Variants in MSR1 observed in about 807,000 individuals in gnomAD.
MSR1 encodes the protein macrophage scavenger receptor types I and II.
Under a neutral mutation model 47.2 loss-of-function variants are expected in MSR1, and 53 were observed. That is an observed-to-expected ratio of 1.12 (90% CI 0.90 to 1.41). The LOEUF (loss-of-function observed/expected upper bound fraction) is 1.41. Among genes scored for constraint, MSR1 ranks in the 40% most tolerant of loss-of-function variants. MSR1 has a pLI of 0.00. For missense variants in MSR1, 786 were observed against 546.9 expected, an observed-to-expected ratio of 1.44 and a Z score of -4.36; for synonymous variants, 239 against 185.6, an observed-to-expected ratio of 1.29 and a Z score of -2.34.
At chr8:16,150,466 G>A (rs1298293044) in intron 6 of MSR1, among the ~76,000 whole-genome samples, 155 bp from the exon 7 acceptor site, 1 of 151,854 alleles carries the variant, frequency 6.6e-6, no homozygotes, top group Non-Finnish European at 1.5e-5. Flanking sequence ...GTTTGACATT[G>A]AAAAACAATA....
At chr8:16,124,888 CA>C (rs142562400) in intron 8 of MSR1, among the ~76,000 whole-genome samples, 5,730 of 152,078 alleles carry the variant, frequency 0.038, 213 homozygotes, top group East Asian at 0.13. Context: ...ATTAAATTGG[CA>C]AATGCTTAAA....
chr8:16,180,098 CTCTG>C (rs57076467), intron 1 of MSR1, among the ~76,000 whole-genome samples: 31,473 of 148,716 alleles, frequency 0.21, 4,187 homozygotes, highest in East Asian at 0.53. Flanking sequence ...CTCTCTTTCT[CTCTG>C]TCTGTCTCTC....
At chr8:16,174,428 C>T (rs1037862108) in intron 3 of MSR1, among the ~76,000 whole-genome samples, 6 of 152,104 alleles carry the variant, frequency 3.9e-5, no homozygotes, top group Non-Finnish European at 5.9e-5. Flanking sequence ...CAAAATGCTA[C>T]GCGGGGAATA....
chr8:16,133,783 A>G (rs1800320104), intron 8 of MSR1, among the ~76,000 whole-genome samples: 1 of 152,088 alleles, frequency 6.6e-6, no homozygotes, highest in Non-Finnish European at 1.5e-5. Flanking sequence ...CAGGATATTG[A>G]CCCCACTTAT....
rs1440829072 is a variant in MSR1, at chr8:16,189,485, T to TAA, written c.-5+3111_-5+3112dup. ...ATATATATTTTATATATTTTATATA[T>TAA]AAAATCTTATTTTATATATATTTTT... On this transcript the variant is annotated intron_variant, in intron 1 of 9. Coordinates refer to ENST00000262101, the MANE Select transcript of MSR1 (RefSeq NM_138715.3). 3.1e-4 allele frequency among the ~76,000 whole-genome samples: 31 copies of TAA among 99,510 alleles called. 5 individuals carry two copies. The highest frequency in any genetic ancestry group is 1.4e-3 in the Admixed American group (10 of 7,204). 65.3% of individuals were successfully genotyped at this position (99,510 alleles called of 152,430 possible). A position where few individuals can be genotyped will look rare whatever the true frequency, so the allele number is the denominator to read the frequency against.
At chr8:16,168,992 G>A (rs35107100) in intron 3 of MSR1, 122 bp from the exon 4 acceptor site, 1 of 990,096 alleles carries the variant, frequency 1.0e-6, no homozygotes, top group Non-Finnish European at 1.5e-6. Context: ...TTGAATGCTA[G>A]GCTAAATCGA....
intron 8 of MSR1, among the ~76,000 whole-genome samples, chr8:16,136,513 T>G (rs1800393376): frequency 6.6e-6 from 1 of 151,968 alleles, no homozygotes; most frequent in South Asian, 2.1e-4. Flanking sequence ...GCTTTTTTTT[T>G]GCCTTGGTCT....
At chr8:16,174,585 T>C (rs78826414) in intron 3 of MSR1, among the ~76,000 whole-genome samples, 2,202 of 152,266 alleles carry the variant, frequency 0.014, 30 homozygotes, top group Non-Finnish European at 0.024. Context: ...GTATATTTTT[T>C]CTTTGAGAAG....
intron 8 of MSR1, among the ~76,000 whole-genome samples, chr8:16,128,270 T>A (rs996127729): frequency 2.0e-5 from 3 of 152,094 alleles, no homozygotes; most frequent in African/African-American, 7.2e-5. Context: ...GCTCCAATAT[T>A]CGTATGCTGA....
chr8:16,168,534 G>A lies in MSR1; in HGVS notation c.554C>T (p.Thr185Ile), dbSNP rs753789642. 8 of 1,613,994 alleles carry A rather than the reference G, an allele frequency of 5.0e-6. No individual in the cohort carries two copies. The highest frequency in any genetic ancestry group is 5.9e-6 in the Non-Finnish European group (7 of 1,180,014). The change falls in exon 4 of 10, where the codon ACC (threonine) becomes ATC (isoleucine). Residue 185 changes from threonine (T) to isoleucine (I), a missense_variant. By Grantham distance (89) the Thr-to-Ile change is moderately conservative. Transcript: ENST00000262101. ...EISKSLISLNTTLLDLQLNIE... is the reference protein window; with the variant it reads ...EISKSLISLNITLLDLQLNIE... ...GTTGAGCTGCAAATCAAGCAATGTG[G>A]TATTCAAACTTATTAAGGACTTGGA... is the stretch of plus-strand genomic sequence containing the variant.
At chr8:16,179,144 T>A (rs1801749167) in intron 1 of MSR1, among the ~76,000 whole-genome samples, 1 of 152,142 alleles carries the variant, frequency 6.6e-6, no homozygotes. Context: ...AGCTGAAAAG[T>A]TTTTTACAGG....
intron 6 of MSR1, among the ~76,000 whole-genome samples, chr8:16,153,161 A>G (rs1800907484): frequency 6.6e-6 from 1 of 152,028 alleles, no homozygotes; most frequent in African/African-American, 2.4e-5. Context: ...TGAGTTTAGT[A>G]GGCTCAAATG....
intron 7 of MSR1, among the ~76,000 whole-genome samples, chr8:16,144,137 G>A (rs1800634782): frequency 6.6e-6 from 1 of 152,012 alleles, no homozygotes; most frequent in South Asian, 2.1e-4. Context: ...GATCACCTTT[G>A]GTTTTGAGAA....
intron 4 of MSR1, among the ~76,000 whole-genome samples, chr8:16,166,206 T>C (rs981344331): frequency 6.9e-6 from 1 of 145,128 alleles, no homozygotes; most frequent in Non-Finnish European, 1.5e-5. Context: ...AGTCTCGCAC[T>C]GTCACCCAGG....
chr8:16,128,369 T>C (rs59366541), intron 8 of MSR1, among the ~76,000 whole-genome samples: 6,678 of 152,056 alleles, frequency 0.044, 238 homozygotes, highest in East Asian at 0.12. Context: ...CCTAACTTGA[T>C]AGGACAGGTG....
At chr8:16,151,237 T>G (rs1800850443) in intron 6 of MSR1, among the ~76,000 whole-genome samples, 4 of 152,168 alleles carry the variant, frequency 2.6e-5, no homozygotes, top group Admixed American at 2.6e-4. Context: ...GAGAAGCCCC[T>G]CCAATGCTGA....
chr8:16,122,888 A>C (rs1388299532), intron 8 of MSR1, among the ~76,000 whole-genome samples: 1 of 122,388 alleles, frequency 8.2e-6, no homozygotes, highest in Non-Finnish European at 1.6e-5. Context: ...GCTGTCTCCC[A>C]GGCTGGAGTG....
intron 1 of MSR1, among the ~76,000 whole-genome samples, 171 bp downstream of exon 1, chr8:16,192,427 A>G (rs965877288): frequency 2.6e-5 from 4 of 151,242 alleles, no homozygotes; most frequent in Admixed American, 1.3e-4. Context: ...ATCGAAAAAA[A>G]CCAAACCAAA....
chr8:16,184,739 C>A (rs955874842), intron 1 of MSR1, among the ~76,000 whole-genome samples: 1 of 152,022 alleles, frequency 6.6e-6, no homozygotes, highest in Non-Finnish European at 1.5e-5. Flanking sequence ...TTGCTTTTCT[C>A]CCTTTCACTT....
Sources: gnomAD v4.1 joint callset for allele counts (sites outside exome capture counted in the v4.1 genomes callset) on GRCh38, gnomAD v4.1.1 for gene constraint, MANE v1.5 for transcripts, NCBI Gene and HGNC (gene_info 2026-07-23, HGNC 2026-07-21) for gene names.